The following CCDC180 variants were observed in gnomAD, a reference collection of about 807,000 sequenced individuals.
CCDC180 encodes coiled-coil domain-containing protein 180.
A neutral mutation model predicts 209.2 loss-of-function variants in CCDC180; 154 were observed. That is an observed-to-expected ratio of 0.74 (90% CI 0.65 to 0.84). The LOEUF is 0.84. Among genes scored for constraint, CCDC180 ranks in the 40% least tolerant of loss-of-function variants. CCDC180 has a pLI of 0.00. For synonymous variants in CCDC180, 778 were observed against 749.1 expected (o/e 1.04, Z -0.63); for missense variants, 1,874 against 1,997.3 (o/e 0.94, Z 1.18).
chr9:97,355,090 T>C (rs1156743806), intron 24 of CCDC180, 82 bp downstream of exon 24: 7 of 874,414 alleles, frequency 8.0e-6, no homozygotes, highest in Non-Finnish European at 1.3e-5. Context: ...TAGGAGGCCA[T>C]TGTGGTCTCT....
chr9:97,324,017 G>A (rs1833443770), intron 13 of CCDC180, 114 bp downstream of exon 13: 12 of 1,266,232 alleles, frequency 9.5e-6, no homozygotes, highest in Non-Finnish European at 9.7e-6. Flanking sequence ...TAGTGTGTCC[G>A]CTCACCCTTG....
chr9:97,370,197 G>A, intron 32 of CCDC180, 115 bp downstream of exon 32: 2 of 1,150,022 alleles, frequency 1.7e-6, no homozygotes, highest in East Asian at 2.5e-5. Context: ...GCTTGGCTTG[G>A]GATTTTTGGA....
At position 97,356,981 on chromosome 9, in the gene CCDC180, C is replaced by A. The variant is rs531419607; in HGVS notation, c.3265-646C>A. Among the ~76,000 whole-genome samples, 32 of 152,340 alleles carry A rather than the reference C, an allele frequency of 2.1e-4. No homozygotes were observed. In the South Asian group the frequency reaches 5.8e-3, roughly 28 times the overall value. On this transcript the variant is annotated intron_variant, in intron 24 of 36. Coordinates refer to ENST00000529487, the MANE Select transcript of CCDC180 (RefSeq NM_020893.6). The stretch of plus-strand genomic sequence containing the variant: ...ATAAGCTGTATAATCTTTAAATATT[C>A]TGCAAAGACACTATTTTGATGGCTT...
chr9:97,334,781 A>G (rs181563494), intron 18 of CCDC180, among the ~76,000 whole-genome samples: 4 of 152,312 alleles, frequency 2.6e-5, no homozygotes, highest in African/African-American at 7.2e-5. Context: ...AGGGCCAAAC[A>G]TAGTCTACTC....
intron 20 of CCDC180, among the ~76,000 whole-genome samples, chr9:97,348,819 G>C (rs1255741830): frequency 6.6e-6 from 1 of 152,128 alleles, no homozygotes; most frequent in Non-Finnish European, 1.5e-5. Context: ...AACACCCCCT[G>C]CCCATCCTGC....
At chr9:97,352,347 A>G (rs527871581) in intron 22 of CCDC180, among the ~76,000 whole-genome samples, 5 of 152,318 alleles carry the variant, frequency 3.3e-5, no homozygotes, top group African/African-American at 1.2e-4. Flanking sequence ...ATGGACCCAA[A>G]GAACAGACAA....
chr9:97,341,160 C>T (rs1246013784), intron 18 of CCDC180, among the ~76,000 whole-genome samples: 7 of 152,208 alleles, frequency 4.6e-5, no homozygotes, highest in Non-Finnish European at 1.0e-4. Context: ...TTGGAGATGA[C>T]TCACACTCTT....
rs1827065004 is a variant in CCDC180 at position 97,370,736 on chromosome 9, A to C, written c.4446A>C (p.Glu1482Asp). Residue 1482 changes from glutamate to aspartate, a missense_variant, in exon 33 of 37, where the codon GAA becomes GAC. Physicochemically the swap from Glu to Asp is conservative, Grantham distance 45. Coordinates refer to ENST00000529487, the MANE Select transcript of CCDC180 (RefSeq NM_020893.6). ...ACTTAAGTGAAGAGGAAAGGCAGGA[A>C]GAGCTGGACAGCATGATTAGGATGA... ...SLHLSEEERQ[E>D]ELDSMIRMNK... is the part of the protein sequence containing the mutation. The C allele has an allele frequency of 6.2e-7, 1 of 1,614,084 alleles. No homozygotes were observed. The highest frequency in any genetic ancestry group is 1.3e-5 in the African/African-American group (1 of 74,942).
intron 10 of CCDC180, among the ~76,000 whole-genome samples, chr9:97,319,392 C>T (rs1241072301): frequency 6.6e-6 from 1 of 152,068 alleles, no homozygotes; most frequent in Non-Finnish European, 1.5e-5. Context: ...ATAGGTAAAT[C>T]ACGTGTTGTG....
intron 20 of CCDC180, among the ~76,000 whole-genome samples, chr9:97,348,687 C>T (rs1309529740): frequency 1.3e-5 from 2 of 152,174 alleles, no homozygotes; most frequent in Non-Finnish European, 2.9e-5. Flanking sequence ...CCTTGGAAGA[C>T]AGTTGGAATT....
rs376815401 is a variant in CCDC180, at chr9:97,330,344, G to T, written c.1851G>T (p.Gln617His). 3.7e-6 allele frequency: 6 copies of T among 1,613,992 alleles called. No homozygotes were observed. The highest frequency in any genetic ancestry group is 5.1e-6 in the Non-Finnish European group (6 of 1,179,990). ...CAGAAGCACATGAAAAACCCTCCCA[G>T]AAGAGAGTGAAAAAACTGAGGAAGA... ...RQPEAHEKPSQKRVKKLRKKQ... is the reference protein window; with the variant it reads ...RQPEAHEKPSHKRVKKLRKKQ... The change falls in exon 18 of 37, where the codon CAG becomes CAT. Residue 617 changes from glutamine (Q) to histidine (H), a missense_variant. Gln to His is a conservative substitution (Grantham distance 24, BLOSUM62 0). Coordinates refer to ENST00000529487, the MANE Select transcript of CCDC180 (RefSeq NM_020893.6).
In CCDC180 at chr9:97,320,185, ACT is replaced by A; in HGVS notation, c.1141_1142del (p.Ser381ProfsTer21). On this transcript the variant is annotated frameshift_variant, in exon 11 of 37. Transcript: ENST00000529487. LOFTEE classifies it high-confidence loss of function. ...CTGACTGAGTGGCATTCTTCCCTCA[ACT>A]CCCTGAACAAGGAGCTAGGTGAGTG... 1 of 1,613,670 alleles carries A rather than the reference ACT, an allele frequency of 6.2e-7. No homozygotes were observed. The highest frequency in any genetic ancestry group is 1.1e-5 in the South Asian group (1 of 91,054).
Position 97,325,798 on chromosome 9 carries a change from C to T in CCDC180, c.1545+606C>T, listed in dbSNP as rs555116301. On this transcript the variant is annotated intron_variant, in intron 14 of 36. Coordinates refer to ENST00000529487, the MANE Select transcript of CCDC180 (RefSeq NM_020893.6). ...TTCATAGCCCCAGTGCCTATCACAG[C>T]CTGAGCTCTCTCTCATTCAAAGAAG... Among the ~76,000 whole-genome samples the T allele has an allele frequency of 3.7e-4, 57 of 152,316 alleles. 2 individuals carry two copies. In the South Asian group the frequency reaches 0.012, roughly 32 times the overall value.
chr9:97,326,231 G>A (rs1587795111), intron 14 of CCDC180, among the ~76,000 whole-genome samples: 2 of 152,350 alleles, frequency 1.3e-5, no homozygotes, highest in South Asian at 4.1e-4. Context: ...CTGGTGAGAA[G>A]AAGAGCGAGG....
At chr9:97,307,382 C>A (rs754505236), upstream of CCDC180, 1 of 517,426 alleles carries the variant, frequency 1.9e-6, no homozygotes, top group South Asian at 1.5e-5. Flanking sequence ...GTGCTTTCTG[C>A]AGGCGGGGAC....
chr9:97,375,062 A>G (rs1827210149), intron 35 of CCDC180, among the ~76,000 whole-genome samples: 1 of 152,206 alleles, frequency 6.6e-6, no homozygotes. Context: ...TGACTCTGCA[A>G]GAAGAAGCAG....
chr9:97,363,054 C>T (rs182619457), intron 28 of CCDC180, among the ~76,000 whole-genome samples: 68 of 152,338 alleles, frequency 4.5e-4, no homozygotes, highest in Admixed American at 6.5e-4. Context: ...CAGGGTGTTT[C>T]AGCAGAGCTC....
At chr9:97,356,976 A>G (rs780748423) in intron 24 of CCDC180, among the ~76,000 whole-genome samples, 8 of 152,234 alleles carry the variant, frequency 5.3e-5, no homozygotes, top group African/African-American at 1.4e-4. Context: ...TAATCTTTAA[A>G]TATTCTGCAA....
chr9:97,374,691 C>T, intron 35 of CCDC180, 43 bp downstream of exon 35: 1 of 1,496,538 alleles, frequency 6.7e-7, no homozygotes, highest in Non-Finnish European at 9.3e-7. Flanking sequence ...ATGGCTGTAT[C>T]TGCTGGGGGT....
Sources: gnomAD v4.1 joint callset for allele counts (sites outside exome capture counted in the v4.1 genomes callset) on GRCh38, gnomAD v4.1.1 for gene constraint, MANE v1.5 for transcripts, NCBI Gene and HGNC (gene_info 2026-07-23, HGNC 2026-07-21) for gene names.